The following CACNA2D3 variants were observed in gnomAD, a reference collection of about 807,000 sequenced individuals.
CACNA2D3 encodes calcium voltage-gated channel auxiliary subunit alpha2delta 3.
In CACNA2D3, 60 loss-of-function variants were observed where a neutral mutation model predicts 160.6. That is an observed-to-expected ratio of 0.37 (90% CI 0.30 to 0.46). CACNA2D3 has a LOEUF of 0.46. Among genes scored for constraint, CACNA2D3 ranks in the 20% least tolerant of loss-of-function variants. The probability of loss-of-function intolerance (pLI) is 1.00; values close to 1 mark genes in which losing one functional copy is unlikely to be tolerated. For synonymous variants in CACNA2D3, 558 were observed against 492.9 expected, an observed-to-expected ratio of 1.13 and a Z score of -1.75; for missense variants, 1,205 against 1,365.0, an observed-to-expected ratio of 0.88 and a Z score of 1.85.
At chr3:54,811,496 T>A (rs1405100305) in intron 13 of CACNA2D3, among the ~76,000 whole-genome samples, 1,779 of 126,238 alleles carry the variant, frequency 0.014, 83 homozygotes, top group Non-Finnish European at 0.019. Flanking sequence ...TTTTTTTTTT[T>A]TTTTTTTTTT....
At chr3:54,446,340 A>G (rs551898764) in intron 4 of CACNA2D3, among the ~76,000 whole-genome samples, 1 of 151,896 alleles carries the variant, frequency 6.6e-6, no homozygotes, top group South Asian at 2.1e-4. Flanking sequence ...GAGAGGGAGG[A>G]CCTCCCTCTG....
intron 2 of CACNA2D3, among the ~76,000 whole-genome samples, chr3:54,311,282 C>G (rs1161224245): frequency 6.6e-6 from 1 of 152,054 alleles, no homozygotes; most frequent in African/African-American, 2.4e-5. Context: ...AGAGACTGTC[C>G]CCTGTTTCTC....
chr3:55,040,467 G>GT (rs1040064079), intron 35 of CACNA2D3, among the ~76,000 whole-genome samples: 27 of 152,114 alleles, frequency 1.8e-4, no homozygotes, highest in Non-Finnish European at 3.4e-4. Flanking sequence ...ATTCTTTGTA[G>GT]TTTTTTTATT....
intron 2 of CACNA2D3, among the ~76,000 whole-genome samples, chr3:54,128,571 T>A (rs906609759): frequency 7.2e-5 from 11 of 152,200 alleles, no homozygotes; most frequent in African/African-American, 2.7e-4. Context: ...AAATCCTGAT[T>A]TACCATCATA....
intron 35 of CACNA2D3, among the ~76,000 whole-genome samples, chr3:55,021,267 C>T (rs147246747): frequency 6.6e-6 from 1 of 152,002 alleles, no homozygotes; most frequent in African/African-American, 2.4e-5. Flanking sequence ...CCTGTTTCAT[C>T]TCATTTTTCG....
chr3:55,006,443 C>T (rs763429552), intron 32 of CACNA2D3, among the ~76,000 whole-genome samples: 16 of 152,150 alleles, frequency 1.1e-4, no homozygotes, highest in Admixed American at 3.3e-4. Flanking sequence ...GACACAACAT[C>T]GTCCCATAGT....
At chr3:54,661,315 G>A (rs1699965868) in intron 11 of CACNA2D3, among the ~76,000 whole-genome samples, 1 of 152,076 alleles carries the variant, frequency 6.6e-6, no homozygotes, top group Non-Finnish European at 1.5e-5. Flanking sequence ...TTTAAGATTT[G>A]GATCACTTTA....
chr3:54,142,645 G>T (rs549635040), intron 2 of CACNA2D3, among the ~76,000 whole-genome samples: 1 of 152,238 alleles, frequency 6.6e-6, no homozygotes, highest in East Asian at 1.9e-4. Context: ...TTTAATGTAA[G>T]CCCAGACAGC....
chr3:54,191,993 T>A (rs1416374314), intron 2 of CACNA2D3, among the ~76,000 whole-genome samples: 1 of 151,890 alleles, frequency 6.6e-6, no homozygotes, highest in African/African-American at 2.4e-5. Flanking sequence ...TTGGAGGAGG[T>A]TTGGGTTTAT....
At chr3:54,472,581 A>G (rs1700753360) in intron 4 of CACNA2D3, among the ~76,000 whole-genome samples, 1 of 152,234 alleles carries the variant, frequency 6.6e-6, no homozygotes, top group Admixed American at 6.5e-5. Flanking sequence ...AAATAGGAAG[A>G]GAAGAAGTCA....
At chr3:54,937,937 GA>G (rs1398393891) in intron 27 of CACNA2D3, among the ~76,000 whole-genome samples, 2 of 152,148 alleles carry the variant, frequency 1.3e-5, no homozygotes, top group Non-Finnish European at 2.9e-5. Flanking sequence ...TATTAATATT[GA>G]AAACCATTGG....
rs1452254050 is a variant in CACNA2D3 at position 55,007,348 on chromosome 3, T to G, written c.2767-442T>G. On this transcript the variant is annotated intron_variant, in intron 32 of 37. Coordinates refer to ENST00000474759, the MANE Select transcript of CACNA2D3 (RefSeq NM_018398.3). ...ATTAAAATCAGGTGTATGCAATTTT[T>G]GCTTATTTTAGTGAATGACATACAG... Among the ~76,000 whole-genome samples the G allele has an allele frequency of 2.0e-5, 3 of 152,200 alleles. No homozygotes were observed. The South Asian group carries it at 6.2e-4, about 32-fold the overall frequency.
chr3:54,430,124 C>T (rs765542086), intron 4 of CACNA2D3, among the ~76,000 whole-genome samples: 12 of 152,168 alleles, frequency 7.9e-5, no homozygotes, highest in Admixed American at 2.0e-4. Context: ...GTCCTTGCTG[C>T]GCAACTACTT....
intron 4 of CACNA2D3, among the ~76,000 whole-genome samples, chr3:54,464,828 A>C (rs1700584415): frequency 6.6e-6 from 1 of 152,178 alleles, no homozygotes. Flanking sequence ...TGAACCCGGT[A>C]CCTCAGATGG....
intron 27 of CACNA2D3, among the ~76,000 whole-genome samples, chr3:54,932,549 GTCTTA>G (rs1701215367): frequency 6.6e-6 from 1 of 152,202 alleles, no homozygotes; most frequent in South Asian, 2.1e-4. Context: ...TATTTGAGAT[GTCTTA>G]TCTTCTAGTG....
chr3:54,692,666 C>T (rs890829830), intron 11 of CACNA2D3, among the ~76,000 whole-genome samples: 3 of 152,186 alleles, frequency 2.0e-5, no homozygotes, highest in African/African-American at 7.2e-5. Context: ...TGGACACAAC[C>T]CATCAACCAG....
chr3:54,246,787 T>G (rs750125443), intron 2 of CACNA2D3, among the ~76,000 whole-genome samples: 10 of 152,100 alleles, frequency 6.6e-5, no homozygotes, highest in Non-Finnish European at 1.2e-4. Flanking sequence ...CATAAATTTT[T>G]TTAACACTGC....
rs898072660 is a variant in CACNA2D3, at chr3:54,969,694, A to T, written c.2512-106A>T. On this transcript the variant is annotated intron_variant, in intron 28 of 37. Coordinates refer to ENST00000474759, the MANE Select transcript of CACNA2D3 (RefSeq NM_018398.3). The stretch of plus-strand genomic sequence containing the variant: ...AAATTGGGTATTTGAATTCTAGCCC[A>T]TGACTTGGATAGCTTGTCCTTAAGT... The T allele has an allele frequency of 8.5e-6, 7 of 823,374 alleles. No homozygotes were observed. In the African/African-American group the frequency reaches 1.2e-4, roughly 14 times the overall value. 51.0% of individuals were successfully genotyped at this position (823,374 alleles called of 1,614,324 possible). A position where few individuals can be genotyped will look rare whatever the true frequency, so the allele number is the denominator to read the frequency against.
chr3:54,289,529 A>C (rs1293785125), intron 2 of CACNA2D3, among the ~76,000 whole-genome samples: 1,781 of 151,706 alleles, frequency 0.012, 28 homozygotes, highest in Non-Finnish European at 0.017. Context: ...GCTACCAATG[A>C]CTTTCTTCAC....
Sources: gnomAD v4.1 joint callset for allele counts (sites outside exome capture counted in the v4.1 genomes callset) on GRCh38, gnomAD v4.1.1 for gene constraint, MANE v1.5 for transcripts, NCBI Gene and HGNC (gene_info 2026-07-23, HGNC 2026-07-21) for gene names.